The following CADPS variants were observed in gnomAD, a reference collection of about 807,000 sequenced individuals.
CADPS encodes the protein calcium-dependent secretion activator 1.
A neutral mutation model predicts 167.3 loss-of-function variants in CADPS; 57 were observed. The observed-to-expected ratio is 0.34, with a 90% CI of 0.28 to 0.42. CADPS has a LOEUF of 0.42. CADPS is among the 20% of genes least tolerant of loss of function. The pLI is 1.00. For missense variants in CADPS, 1,414 were observed against 1,738.1 expected, an observed-to-expected ratio of 0.81 and a Z score of 3.32; for synonymous variants, 676 against 635.3, an observed-to-expected ratio of 1.06 and a Z score of -0.96.
intron 1 of CADPS, among the ~76,000 whole-genome samples, chr3:62,803,101 A>C (rs2093873392): frequency 6.6e-6 from 1 of 152,122 alleles, no homozygotes; most frequent in Non-Finnish European, 1.5e-5. Flanking sequence ...TTCTGCCTTC[A>C]AGATGTGTTT....
At chr3:62,432,698 A>G (rs2149648963) in intron 28 of CADPS, among the ~76,000 whole-genome samples, 1 of 152,306 alleles carries the variant, frequency 6.6e-6, no homozygotes, top group African/African-American at 2.4e-5. Flanking sequence ...TTTCACCCTC[A>G]TAATAACTCC....
intron 1 of CADPS, among the ~76,000 whole-genome samples, chr3:62,787,023 G>A (rs1286816983): frequency 6.6e-6 from 1 of 152,136 alleles, no homozygotes; most frequent in African/African-American, 2.4e-5. Flanking sequence ...GCCGGGCATA[G>A]TGGCTCATGT....
At chr3:62,683,563 A>C (rs1009786642) in intron 3 of CADPS, among the ~76,000 whole-genome samples, 1 of 152,104 alleles carries the variant, frequency 6.6e-6, no homozygotes, top group Non-Finnish European at 1.5e-5. Context: ...ATCTCATGTT[A>C]CCATGGCACA....
At chr3:62,405,332 G>C in intron 28 of CADPS, among the ~76,000 whole-genome samples, 1 of 151,928 alleles carries the variant, frequency 6.6e-6, no homozygotes, top group Non-Finnish European at 1.5e-5. Context: ...TCTAGGCAGA[G>C]GTGGCATTTT....
At chr3:62,653,880 C>T (rs981241848) in intron 4 of CADPS, among the ~76,000 whole-genome samples, 10 of 152,082 alleles carry the variant, frequency 6.6e-5, no homozygotes, top group South Asian at 2.1e-4. Context: ...AGTATAATCA[C>T]GTCCTGCTTT....
intron 27 of CADPS, among the ~76,000 whole-genome samples, chr3:62,445,115 C>G (rs2056986330): frequency 6.6e-6 from 1 of 152,182 alleles, no homozygotes; most frequent in South Asian, 2.1e-4. Context: ...CTTTAGCATT[C>G]ATGTGTTGTA....
intron 28 of CADPS, among the ~76,000 whole-genome samples, chr3:62,435,022 C>CCAAACAG (rs1298543150): frequency 6.6e-6 from 1 of 152,128 alleles, no homozygotes. Context: ...TCAACAACCC[C>CCAAACAG]CAAACAGCAA....
At chr3:62,552,627 T>C (rs949954071) in intron 10 of CADPS, among the ~76,000 whole-genome samples, 3 of 152,196 alleles carry the variant, frequency 2.0e-5, no homozygotes, top group African/African-American at 4.8e-5. Flanking sequence ...CTGTTTGACA[T>C]TTGTCATTGG....
At chr3:62,516,691 C>CTAAA in intron 14 of CADPS, 48 bp from the exon 15 acceptor site, 1 of 1,349,876 alleles carries the variant, frequency 7.4e-7, no homozygotes, top group Non-Finnish European at 1.1e-6. Flanking sequence ...TACATTTTAG[C>CTAAA]ATGAAATATG....
At chr3:62,744,304 G>T (rs1044793025) in intron 3 of CADPS, among the ~76,000 whole-genome samples, 8 of 151,214 alleles carry the variant, frequency 5.3e-5, no homozygotes, top group Middle Eastern at 3.5e-3. Context: ...GAATGATGTA[G>T]AATCATTCAC....
intron 6 of CADPS, among the ~76,000 whole-genome samples, chr3:62,629,436 T>C (rs2064821969): frequency 6.6e-6 from 1 of 152,238 alleles, no homozygotes; most frequent in Admixed American, 6.5e-5. Flanking sequence ...TGTTGGAGCA[T>C]GTATGAGGAC....
At chr3:62,827,614 A>T (rs576904547) in intron 1 of CADPS, among the ~76,000 whole-genome samples, 1 of 149,226 alleles carries the variant, frequency 6.7e-6, no homozygotes, top group East Asian at 1.9e-4. Context: ...GATTTCTAAG[A>T]CTCTATGAAT....
chr3:62,732,404 C>T (rs1254914136), intron 3 of CADPS, among the ~76,000 whole-genome samples: 1 of 152,174 alleles, frequency 6.6e-6, no homozygotes, highest in Non-Finnish European at 1.5e-5. Flanking sequence ...ACTGAGAGAG[C>T]TTGGCTATAG....
At chr3:62,781,555 C>G (rs2091619666) in intron 1 of CADPS, among the ~76,000 whole-genome samples, 1 of 152,088 alleles carries the variant, frequency 6.6e-6, no homozygotes, top group Non-Finnish European at 1.5e-5. Context: ...ACTCCAGAAG[C>G]AGAAATGGAC....
At chr3:62,706,062 C>T (rs1319915652) in intron 3 of CADPS, among the ~76,000 whole-genome samples, 1 of 152,102 alleles carries the variant, frequency 6.6e-6, no homozygotes, top group African/African-American at 2.4e-5. Context: ...ATCTGGGCTG[C>T]CACCCTCGGG....
At chr3:62,574,815 A>T (rs1004854827) in intron 8 of CADPS, among the ~76,000 whole-genome samples, 1 of 152,226 alleles carries the variant, frequency 6.6e-6, no homozygotes, top group African/African-American at 2.4e-5. Flanking sequence ...GTGCTTGTGA[A>T]GTATAAGCAT....
intron 1 of CADPS, among the ~76,000 whole-genome samples, chr3:62,826,814 A>C (rs2074133600): frequency 6.6e-6 from 1 of 152,138 alleles, no homozygotes; most frequent in African/African-American, 2.4e-5. Flanking sequence ...GCTAGGTAAC[A>C]TGGTCACTCT....
intron 4 of CADPS, among the ~76,000 whole-genome samples, chr3:62,653,651 T>C (rs929103246): frequency 1.3e-5 from 2 of 152,188 alleles, no homozygotes; most frequent in Non-Finnish European, 2.9e-5. Context: ...ACATAATAAG[T>C]ATTCAATACA....
intron 8 of CADPS, among the ~76,000 whole-genome samples, chr3:62,579,808 T>C (rs564090955): frequency 4.1e-5 from 5 of 121,990 alleles, no homozygotes; most frequent in African/African-American, 2.0e-4. Flanking sequence ...ATCTGACTTG[T>C]GTTTTTTAAA....
Sources: gnomAD v4.1 joint callset for allele counts (sites outside exome capture counted in the v4.1 genomes callset) on GRCh38, gnomAD v4.1.1 for gene constraint, MANE v1.5 for transcripts, NCBI Gene and HGNC (gene_info 2026-07-23, HGNC 2026-07-21) for gene names.